Variants in ZFAT observed in about 807,000 individuals in gnomAD.
ZFAT encodes zinc finger protein ZFAT.
Under a neutral mutation model 117.7 loss-of-function variants are expected in ZFAT, and 64 were observed. That is an observed-to-expected ratio of 0.54 (90% confidence interval 0.44 to 0.67). The LOEUF is 0.67. Ranked by LOEUF, ZFAT falls within the 30% of genes least tolerant of loss-of-function variation. ZFAT has a pLI of 0.00. For synonymous variants in ZFAT, 679 were observed against 615.0 expected, an observed-to-expected ratio of 1.10 and a Z score of -1.54; for missense variants, 1,433 against 1,584.5, an observed-to-expected ratio of 0.90 and a Z score of 1.62.
Position 134,583,158 on chromosome 8 carries a change from C to T in ZFAT, c.2887+674G>A, listed in dbSNP as rs989708696. ...CTGCTCCCAGGGCTCCCGAGCTCCC[C>T]TCCATCACTGCACTTACCTTTACCG... is the stretch of plus-strand genomic sequence containing the variant. On this transcript the variant is annotated intron_variant, in intron 10 of 15. Transcript: ENST00000377838. Among the ~76,000 whole-genome samples the T allele has an allele frequency of 7.2e-5, 11 of 152,226 alleles. No homozygotes were observed. In the East Asian group the frequency reaches 2.1e-3, roughly 29 times the overall value.
At chr8:134,770,768 C>T in the ZFAT span, among the ~76,000 whole-genome samples, 1 of 152,210 alleles carries the variant, frequency 6.6e-6, no homozygotes, top group Non-Finnish European at 1.5e-5. Context: ...TGGAACATCC[C>T]TGAGAAAGAG....
chr8:134,746,615 G>A, the ZFAT span, among the ~76,000 whole-genome samples: 1 of 151,834 alleles, frequency 6.6e-6, no homozygotes, highest in Non-Finnish European at 1.5e-5. Flanking sequence ...TTTCCTTTCT[G>A]CCCTCTTTTG....
chr8:134,632,986 A>T (rs1233333072), intron 3 of ZFAT, among the ~76,000 whole-genome samples: 6 of 152,250 alleles, frequency 3.9e-5, no homozygotes, highest in Non-Finnish European at 7.3e-5. Context: ...GATGAAAAGG[A>T]TAAAGGCTAT....
At chr8:134,502,936 A>AAT (rs1819103577) in intron 15 of ZFAT, among the ~76,000 whole-genome samples, 1 of 152,164 alleles carries the variant, frequency 6.6e-6, no homozygotes, top group Non-Finnish European at 1.5e-5. Context: ...CAACCAACAA[A>AAT]AGAGAGGGGC....
At chr8:134,765,513 A>C in the ZFAT span, 1 of 152,324 alleles carries the variant, frequency 6.6e-6, no homozygotes, top group South Asian at 2.1e-4. Context: ...CCCTTTACAA[A>C]TGAGAAAAAT....
intron 1 of ZFAT, among the ~76,000 whole-genome samples, chr8:134,711,216 G>A (rs1243223763): frequency 1.3e-5 from 2 of 152,152 alleles, no homozygotes; most frequent in Non-Finnish European, 2.9e-5. Context: ...GGACCCTCCC[G>A]CCTCAGACTC....
rs144771762 is a variant in ZFAT at position 134,549,138 on chromosome 8, GTT to G, written c.2977-16168_2977-16167del. Among the ~76,000 whole-genome samples, 1,108 of 152,274 alleles carry G rather than the reference GTT, an allele frequency of 7.3e-3. 13 individuals carry two copies. The highest frequency in any genetic ancestry group is 0.025 in the African/African-American group (1,045 of 41,554). ...ATGACACAGGCTGACAGACGGAAATGTTTCATAGAAATACGAGTTCAGACCGG... is the reference window on the plus strand; with the variant it reads ...ATGACACAGGCTGACAGACGGAAATGTCATAGAAATACGAGTTCAGACCGG... On this transcript the variant is annotated intron_variant, in intron 11 of 15. Coordinates refer to ENST00000377838, the MANE Select transcript of ZFAT (RefSeq NM_020863.4).
At chr8:134,543,644 C>T (rs1822451958) in intron 11 of ZFAT, among the ~76,000 whole-genome samples, 1 of 152,154 alleles carries the variant, frequency 6.6e-6, no homozygotes, top group Non-Finnish European at 1.5e-5. Context: ...CCTCAATATC[C>T]TTGAGAAAGA....
the ZFAT span, chr8:134,766,013 CCT>C: frequency 1.3e-5 from 2 of 152,170 alleles, no homozygotes; most frequent in Admixed American, 6.5e-5. Context: ...AGGCCTTGAC[CCT>C]GTCTCTACCT....
chr8:134,581,907 A>G (rs1406494469), intron 10 of ZFAT, among the ~76,000 whole-genome samples: 1 of 152,238 alleles, frequency 6.6e-6, no homozygotes. Flanking sequence ...CCTTCTTACC[A>G]GAGAACTGAA....
intron 3 of ZFAT, among the ~76,000 whole-genome samples, chr8:134,624,142 T>C (rs1357813887): frequency 6.7e-6 from 1 of 150,162 alleles, no homozygotes; most frequent in Non-Finnish European, 1.5e-5. Context: ...AAAGTTCCCA[T>C]TCTTCTCAGC....
At chr8:134,781,726 C>T in the ZFAT span, among the ~76,000 whole-genome samples, 1 of 152,160 alleles carries the variant, frequency 6.6e-6, no homozygotes, top group Non-Finnish European at 1.5e-5. Context: ...GCCTCTACTA[C>T]ATCTGAGACA....
At chr8:134,518,357 T>C (rs538941545) in intron 13 of ZFAT, among the ~76,000 whole-genome samples, 2 of 152,338 alleles carry the variant, frequency 1.3e-5, no homozygotes, top group South Asian at 4.1e-4. Context: ...ATTGCTATTC[T>C]CTTCATAAGG....
intron 3 of ZFAT, among the ~76,000 whole-genome samples, chr8:134,626,805 A>G (rs1297510026): frequency 1.3e-5 from 2 of 152,238 alleles, no homozygotes; most frequent in Admixed American, 6.5e-5. Context: ...CTGATAATGT[A>G]GCTTACTGTC....
At chr8:134,701,005 T>C (rs1833994942) in intron 1 of ZFAT, among the ~76,000 whole-genome samples, 1 of 152,070 alleles carries the variant, frequency 6.6e-6, no homozygotes, top group East Asian at 1.9e-4. Context: ...CCCATGTAAA[T>C]GTGTGTTTAT....
chr8:134,586,799 G>A (rs1218373082), intron 9 of ZFAT, among the ~76,000 whole-genome samples: 1 of 152,260 alleles, frequency 6.6e-6, no homozygotes, highest in Non-Finnish European at 1.5e-5. Flanking sequence ...GTTCAGAAGA[G>A]AAGAGCAAGG....
the ZFAT span, chr8:134,784,160 AGGTTTCAACAC>A: frequency 6.6e-6 from 1 of 152,238 alleles, no homozygotes; most frequent in Non-Finnish European, 1.5e-5. Flanking sequence ...TGAAAGGTGC[AGGTTTCAACAC>A]GCCAGATCTA....
chr8:134,486,339 T>A (rs1397678377), intron 15 of ZFAT, among the ~76,000 whole-genome samples: 1 of 149,396 alleles, frequency 6.7e-6, no homozygotes, highest in African/African-American at 2.4e-5. Flanking sequence ...AGGACAGGAA[T>A]CATCCTTTAT....
chr8:134,611,934 T>C (rs1563675285), intron 3 of ZFAT, among the ~76,000 whole-genome samples: 1 of 152,170 alleles, frequency 6.6e-6, no homozygotes. Flanking sequence ...TCCACATGGC[T>C]ACCCTTGGCA....
Sources: allele counts gnomAD v4.1 joint callset (sites outside exome capture counted in the v4.1 genomes callset), GRCh38; gene constraint gnomAD v4.1.1; transcripts MANE v1.5; gene names NCBI Gene and HGNC (gene_info 2026-07-23, HGNC 2026-07-21).